Variants in DNAH5 observed in about 807,000 individuals in gnomAD.
DNAH5 encodes the protein dynein axonemal heavy chain 5, also known as axonemal beta dynein heavy chain 5.
DNAH5 carries 372 observed loss-of-function variants against 518.2 expected under a neutral mutation model. The observed-to-expected ratio is 0.72, with a 90% CI of 0.66 to 0.78. DNAH5 has a LOEUF of 0.78. Ranked by LOEUF, DNAH5 falls within the 30% of genes least tolerant of loss-of-function variation. DNAH5 has a pLI of 0.00. For missense variants in DNAH5, 5,523 were observed against 5,687.0 expected (o/e 0.97, Z 0.93); for synonymous variants, 2,039 against 2,025.9 (o/e 1.01, Z -0.17).
chr5:13,693,679 C>T (rs1439299008), intron 78 of DNAH5, among the ~76,000 whole-genome samples: 1 of 152,198 alleles, frequency 6.6e-6, no homozygotes, highest in Non-Finnish European at 1.5e-5. Flanking sequence ...CTATGATGCA[C>T]AGGACAGCTC....
At chr5:13,905,246 GTGA>G (rs1446642421) in intron 12 of DNAH5, among the ~76,000 whole-genome samples, 1 of 152,174 alleles carries the variant, frequency 6.6e-6, no homozygotes, top group Admixed American at 6.5e-5. Flanking sequence ...AATTGCCATT[GTGA>G]TGATATTAAG....
intron 47 of DNAH5, among the ~76,000 whole-genome samples, chr5:13,795,891 T>A (rs886179918): frequency 6.6e-6 from 1 of 152,186 alleles, no homozygotes; most frequent in African/African-American, 2.4e-5. Context: ...CAAGGCTGGT[T>A]CAACATATGC....
At chr5:13,998,545 C>T (rs1784124258) in intron 1 of DNAH5, among the ~76,000 whole-genome samples, 1 of 152,212 alleles carries the variant, frequency 6.6e-6, no homozygotes, top group Admixed American at 6.5e-5. Context: ...TCAATAGCTC[C>T]AGTGTAAACC....
intron 61 of DNAH5, among the ~76,000 whole-genome samples, chr5:13,756,363 A>T (rs903721856): frequency 2.6e-5 from 4 of 152,128 alleles, no homozygotes; most frequent in African/African-American, 9.7e-5. Flanking sequence ...ACGGAATTTG[A>T]CATTTGTTGA....
At chr5:13,923,537 T>G in intron 3 of DNAH5, 97 bp from the exon 4 acceptor site, 3 of 1,391,312 alleles carry the variant, frequency 2.2e-6, no homozygotes, top group Non-Finnish European at 3.0e-6. Flanking sequence ...TTGCCATTGT[T>G]GACTTGTCCA....
At chr5:13,985,066 G>C (rs1316263246) in intron 1 of DNAH5, among the ~76,000 whole-genome samples, 2 of 152,104 alleles carry the variant, frequency 1.3e-5, no homozygotes, top group African/African-American at 4.8e-5. Flanking sequence ...AAGAAAATGT[G>C]GCACAAATAC....
At chr5:13,951,190 T>C (rs1330802476) in intron 1 of DNAH5, among the ~76,000 whole-genome samples, 14 of 5,636 alleles carry the variant, frequency 2.5e-3, no homozygotes, top group Non-Finnish European at 0.022. Flanking sequence ...TCTCTTTTGT[T>C]TTTTTTTTGT....
chr5:13,722,588 G>C (rs1745199606), intron 70 of DNAH5, among the ~76,000 whole-genome samples: 2 of 152,206 alleles, frequency 1.3e-5, no homozygotes, highest in Non-Finnish European at 2.9e-5. Flanking sequence ...GGTGTGTGGA[G>C]ACTTCTCAAA....
At chr5:13,848,147 G>A (rs573642264) in intron 31 of DNAH5, among the ~76,000 whole-genome samples, 1 of 152,286 alleles carries the variant, frequency 6.6e-6, no homozygotes, top group African/African-American at 2.4e-5. Context: ...CAATCTTTTT[G>A]TCCTTCAACA....
At chr5:13,872,535 A>G (rs1487579490) in intron 22 of DNAH5, among the ~76,000 whole-genome samples, 1 of 152,178 alleles carries the variant, frequency 6.6e-6, no homozygotes, top group African/African-American at 2.4e-5. Context: ...TGTAAACAAG[A>G]TATTTTCCAC....
chr5:13,805,380 C>G (rs1349178560), intron 47 of DNAH5, among the ~76,000 whole-genome samples: 1 of 152,106 alleles, frequency 6.6e-6, no homozygotes, highest in South Asian at 2.1e-4. Flanking sequence ...TGCCTATAAT[C>G]CCAGCTACTC....
chr5:13,706,904 T>C (rs528003101), intron 76 of DNAH5, among the ~76,000 whole-genome samples: 3 of 152,140 alleles, frequency 2.0e-5, no homozygotes, highest in Non-Finnish European at 1.5e-5. Flanking sequence ...AAGGGCAGGG[T>C]CCCTGGCGAA....
intron 54 of DNAH5, 124 bp from the exon 55 acceptor site, chr5:13,776,830 A>T (rs1380446080): frequency 9.3e-7 from 1 of 1,076,220 alleles, no homozygotes; most frequent in African/African-American, 1.6e-5. Flanking sequence ...CAGAAAATTG[A>T]AAGTTTTCAA....
In DNAH5 at chr5:13,868,007, G is replaced by A; in HGVS notation, c.3835-15C>T. 1 of 1,605,236 alleles carries A rather than the reference G, an allele frequency of 6.2e-7. No homozygotes were observed. Among genetic ancestry groups the A allele is most frequent in the Non-Finnish European group, 8.5e-7 (1 of 1,172,984 alleles). On this transcript the variant is annotated splice_polypyrimidine_tract_variant and intron_variant, in intron 24 of 78. Transcript: ENST00000265104. ...GCATAAGATTCCTAAAAAAAAATAG[G>A]AAAAACTTAATTTTGGCCAGTCAGA...
At chr5:13,903,122 AAG>A in intron 12 of DNAH5, among the ~76,000 whole-genome samples, 1 of 152,250 alleles carries the variant, frequency 6.6e-6, no homozygotes, top group Middle Eastern at 3.4e-3. Flanking sequence ...AAATCATAAA[AAG>A]AACAGAACTG....
chr5:13,960,283 A>C (rs1781090033), intron 1 of DNAH5, among the ~76,000 whole-genome samples: 1 of 152,196 alleles, frequency 6.6e-6, no homozygotes, highest in African/African-American at 2.4e-5. Context: ...AGTGAATGTG[A>C]GGAGGTGCAC....
chr5:14,004,997 TC>T (rs1421746857), intron 1 of DNAH5, among the ~76,000 whole-genome samples: 2 of 152,104 alleles, frequency 1.3e-5, no homozygotes, highest in African/African-American at 4.8e-5. Context: ...GCAAGGCAGC[TC>T]ATATTTCAAG....
At chr5:13,982,387 C>T (rs1357926685) in intron 1 of DNAH5, among the ~76,000 whole-genome samples, 4 of 152,268 alleles carry the variant, frequency 2.6e-5, no homozygotes, top group African/African-American at 9.6e-5. Flanking sequence ...TGCACTATTG[C>T]ATGAGTGAGT....
chr5:13,850,926 C>G (rs1424229408), intron 30 of DNAH5, 111 bp from the exon 31 acceptor site: 10 of 1,069,578 alleles, frequency 9.3e-6, no homozygotes, highest in South Asian at 1.3e-5. Context: ...GTCCAGATAT[C>G]CAAGCAATAT....
Sources: gnomAD v4.1 joint callset for allele counts (sites outside exome capture counted in the v4.1 genomes callset) on GRCh38, gnomAD v4.1.1 for gene constraint, MANE v1.5 for transcripts, NCBI Gene and HGNC (gene_info 2026-07-23, HGNC 2026-07-21) for gene names.